Variants in BCL6 observed in about 807,000 individuals in gnomAD.
BCL6 encodes BCL6 transcription repressor, also known as B-cell lymphoma 6 protein.
In BCL6, 7 loss-of-function variants were observed where a neutral mutation model predicts 59.5. That is an observed-to-expected ratio of 0.12 (90% confidence interval 0.07 to 0.22). The LOEUF (loss-of-function observed/expected upper bound fraction) is 0.22. Ranked by LOEUF, BCL6 falls within the 10% of genes least tolerant of loss-of-function variation. The pLI is 1.00. For missense variants in BCL6, 685 were observed against 939.4 expected, an observed-to-expected ratio of 0.73 and a Z score of 3.54; for synonymous variants, 339 against 349.7, an observed-to-expected ratio of 0.97 and a Z score of 0.34.
At chr3:187,743,946 G>A (rs1378594243) in intron 1 of BCL6, among the ~76,000 whole-genome samples, 1 of 152,056 alleles carries the variant, frequency 6.6e-6, no homozygotes, top group African/African-American at 2.4e-5. Context: ...CCCGCGCCGG[G>A]TCCCCTCAGC....
chr3:187,727,973 T>A (rs574894544), intron 6 of BCL6, among the ~76,000 whole-genome samples: 1 of 152,226 alleles, frequency 6.6e-6, no homozygotes, highest in African/African-American at 2.4e-5. Context: ...TAAGGTCAGA[T>A]GCTTCTCCTT....
At chr3:187,730,778 C>T (rs1346475618) in intron 4 of BCL6, among the ~76,000 whole-genome samples, 1 of 152,172 alleles carries the variant, frequency 6.6e-6, no homozygotes, top group African/African-American at 2.4e-5. Flanking sequence ...GCTGTATATA[C>T]CTGAAGGAAC....
chr3:187,735,903 C>T (rs1212960700), intron 1 of BCL6, among the ~76,000 whole-genome samples: 1 of 151,992 alleles, frequency 6.6e-6, no homozygotes, highest in African/African-American at 2.4e-5. Flanking sequence ...CCAACAAGGT[C>T]ATGTTGGGCC....
At position 187,722,503 on chromosome 3, in the gene BCL6, G is replaced by A. The variant is rs764958840; in HGVS notation, c.2076C>T (p.Arg692=). The A allele has an allele frequency of 2.5e-5, 40 of 1,613,760 alleles. No individual in the cohort carries two copies. Among genetic ancestry groups the A allele is most frequent in the Admixed American group, 5.0e-5 (3 of 59,974 alleles). Residue 692 remains arginine, a synonymous_variant, in exon 10 of 10, where the codon CGC becomes CGT. Transcript: ENST00000406870. ...GAITNTKVQY[R]VSATDLPPEL... Reference sequence around the variant, plus strand: ...CCGGAGGCAGGTCAGTGGCTGACACGCGGTATTGCACCTTGGTGTTGGTGA... The same window carrying A: ...CCGGAGGCAGGTCAGTGGCTGACACACGGTATTGCACCTTGGTGTTGGTGA...
chr3:187,745,293 A>G (rs1711896802), intron 1 of BCL6, 117 bp downstream of exon 1: 2 of 399,094 alleles, frequency 5.0e-6, no homozygotes, highest in African/African-American at 2.1e-5. Flanking sequence ...GCGGAAAAAA[A>G]AAGAATTAAA....
At chr3:187,740,731 A>C (rs955455668) in intron 1 of BCL6, among the ~76,000 whole-genome samples, 1 of 152,226 alleles carries the variant, frequency 6.6e-6, no homozygotes, top group Non-Finnish European at 1.5e-5. Flanking sequence ...CTGAGCTCCT[A>C]GGTGGCATCC....
intron 1 of BCL6, among the ~76,000 whole-genome samples, chr3:187,743,043 A>C (rs1210589098): frequency 6.7e-6 from 1 of 149,466 alleles, no homozygotes; most frequent in African/African-American, 2.5e-5. Flanking sequence ...TAAGTTATTT[A>C]TTAAAACCAC....
chr3:187,744,652 GA>G (rs1299346561), intron 1 of BCL6, among the ~76,000 whole-genome samples: 1 of 152,020 alleles, frequency 6.6e-6, no homozygotes, highest in Non-Finnish European at 1.5e-5. Flanking sequence ...CGAAGGCAGG[GA>G]ATCTAAAAGA....
intron 7 of BCL6, among the ~76,000 whole-genome samples, 174 bp downstream of exon 7, chr3:187,726,557 G>A (rs557910232): frequency 3.3e-4 from 50 of 152,320 alleles, no homozygotes; most frequent in African/African-American, 9.1e-4. Context: ...TAGATGAGTC[G>A]AGTCACTAAG....
intron 3 of BCL6, 35 bp downstream of exon 3, chr3:187,733,498 T>C (rs371899136): frequency 4.1e-5 from 65 of 1,604,664 alleles, no homozygotes; most frequent in Non-Finnish European, 5.3e-5. Context: ...TCACCCCACT[T>C]TGACTTACCC....
At chr3:187,722,857 C>T (rs1232604483) in intron 9 of BCL6, among the ~76,000 whole-genome samples, 1 of 152,196 alleles carries the variant, frequency 6.6e-6, no homozygotes, top group East Asian at 1.9e-4. Context: ...TGCCTTAACT[C>T]CACAAGTTTG....
Position 187,728,524 on chromosome 3 carries a change from C to T in BCL6, c.1376G>A (p.Arg459His), listed in dbSNP as rs143522266. 9.4e-5 allele frequency: 151 copies of T among 1,608,780 alleles called. No individual in the cohort carries two copies. The African/African-American group carries it at 1.4e-3, about 14-fold the overall frequency. Residue 459 changes from arginine (R) to histidine (H), a missense_variant, in exon 6 of 10, where the codon CGC becomes CAC. Physicochemically the swap from Arg to His is conservative, Grantham distance 29. Transcript: ENST00000406870. Reference sequence around the variant, plus strand: ...TGGTGAGTGGCTCTCGCTGCTGCTGCGGGGAGAGCCCGTCATGGACCTATG... The same window carrying T: ...TGGTGAGTGGCTCTCGCTGCTGCTGTGGGGAGAGCCCGTCATGGACCTATG... Reference protein sequence around the residue: ...IVNRSMTGSPRSSSESHSPLY... With the variant: ...IVNRSMTGSPHSSSESHSPLY...
chr3:187,726,579 C>T (rs1376942688), intron 7 of BCL6, 152 bp downstream of exon 7: 2 of 1,063,376 alleles, frequency 1.9e-6, no homozygotes, highest in African/African-American at 1.6e-5. Context: ...AAAGACAAGA[C>T]AGGGTTAGAC....
intron 1 of BCL6, among the ~76,000 whole-genome samples, chr3:187,744,397 C>G (rs551590372): frequency 1.3e-5 from 2 of 148,766 alleles, no homozygotes; most frequent in South Asian, 2.2e-4. Flanking sequence ...CGCGGAGGTT[C>G]CCGACTCCCT....
At position 187,726,870 on chromosome 3, in the gene BCL6, A is replaced by G. The variant is rs1198864753; in HGVS notation, c.1569T>C (p.Cys523=). 3 of 1,614,178 alleles carry G rather than the reference A, an allele frequency of 1.9e-6. No homozygotes were observed. The highest frequency in any genetic ancestry group is 1.1e-5 in the South Asian group (1 of 91,088). Residue 523 remains cysteine (C), a synonymous_variant, in exon 7 of 10, where the codon TGT becomes TGC. Coordinates refer to ENST00000406870, the MANE Select transcript of BCL6 (RefSeq NM_001706.5). ...CENGAFFCNE[C]DCRFSEEASL... ...AGGCCTCCTCAGAGAAGCGGCAGTCACACTCATTGCAGAAGAAGGCCCCGT... is the reference window on the plus strand; with the variant it reads ...AGGCCTCCTCAGAGAAGCGGCAGTCGCACTCATTGCAGAAGAAGGCCCCGT...
intron 1 of BCL6, among the ~76,000 whole-genome samples, chr3:187,743,908 T>C (rs1711731825): frequency 6.6e-6 from 1 of 151,982 alleles, no homozygotes; most frequent in South Asian, 2.1e-4. Flanking sequence ...CTCACAAAGA[T>C]CTCCCTTTCG....
chr3:187,725,335 G>A lies in BCL6; in HGVS notation c.1839+164C>T, dbSNP rs879240244. On this transcript the variant is annotated intron_variant, in intron 8 of 9. Transcript: ENST00000406870. This position sits in a 1 kb window ranked among gnomAD's most constrained non-coding sequence, Gnocchi z 4.7. ...CTGCCCGCTCTGCTCACCTGCACAC[G>A]GGGACTGAGTGGGACTTTCTCCTGC... 8.3e-4 allele frequency among the ~76,000 whole-genome samples: 120 copies of A among 143,954 alleles called. No individual in the cohort carries two copies. Among genetic ancestry groups the A allele is most frequent in the Middle Eastern group, 3.9e-3 (1 of 256 alleles). The allele number at this position is 143,954 out of a possible 152,430, so 94.4% of individuals were successfully genotyped here.
intron 1 of BCL6, among the ~76,000 whole-genome samples, chr3:187,744,596 C>T (rs902586390): frequency 2.6e-5 from 4 of 152,122 alleles, no homozygotes; most frequent in South Asian, 2.1e-4. Context: ...AAACAAAAAC[C>T]CAAAGAGTTC....
chr3:187,744,620 C>G (rs182247438), intron 1 of BCL6, among the ~76,000 whole-genome samples: 1 of 152,092 alleles, frequency 6.6e-6, no homozygotes, highest in African/African-American at 2.4e-5. Flanking sequence ...TGCATTTTTT[C>G]CTTCCAAATC....
Sources: gnomAD v4.1 joint callset for allele counts (sites outside exome capture counted in the v4.1 genomes callset) on GRCh38, gnomAD v4.1.1 for gene constraint, Gnocchi (gnomAD v3.1) non-coding constraint, MANE v1.5 for transcripts, NCBI Gene and HGNC (gene_info 2026-07-23, HGNC 2026-07-21) for gene names.